TBC1D23: variants seen among roughly 807,000 people sequenced by gnomAD.
The protein encoded by TBC1D23 is TBC1 domain family member 23.
A neutral mutation model predicts 91.4 loss-of-function variants in TBC1D23; 55 were observed. The observed-to-expected ratio is 0.60, with a 90% CI of 0.48 to 0.75. The LOEUF (loss-of-function observed/expected upper bound fraction) is 0.75, where lower values mean the gene tolerates loss of function less well. TBC1D23 is among the 30% of genes least tolerant of loss of function. TBC1D23 has a pLI of 0.00. For missense variants in TBC1D23, 725 were observed against 836.1 expected, an observed-to-expected ratio of 0.87 and a Z score of 1.64; for synonymous variants, 289 against 281.0, an observed-to-expected ratio of 1.03 and a Z score of -0.28.
chr3:100,310,653 A>T (rs1009268085), intron 14 of TBC1D23, 111 bp downstream of exon 14: 23 of 801,744 alleles, frequency 2.9e-5, no homozygotes, highest in Admixed American at 1.0e-4. Flanking sequence ...AAAGGATTAT[A>T]AAGTATATTT....
intron 4 of TBC1D23, among the ~76,000 whole-genome samples, chr3:100,285,459 G>T (rs992247673): frequency 2.6e-5 from 4 of 151,942 alleles, no homozygotes; most frequent in African/African-American, 7.3e-5. Context: ...TGCGTATACC[G>T]CATTTTATTT....
At chr3:100,290,506 G>A (rs1416688011) in intron 4 of TBC1D23, 72 bp from the exon 5 acceptor site, 2 of 1,398,772 alleles carry the variant, frequency 1.4e-6, no homozygotes, top group East Asian at 4.6e-5. Flanking sequence ...GGGTATAGCA[G>A]GAAGATTGGT....
At position 100,320,847 on chromosome 3, in the gene TBC1D23, A is replaced by G; in HGVS notation, c.1894A>G (p.Ile632Val). The G allele has an allele frequency of 1.2e-6, 2 of 1,613,308 alleles. No individual in the cohort carries two copies. Among genetic ancestry groups the G allele is most frequent in the East Asian group, 2.2e-5 (1 of 44,808 alleles). ...TGTTTCACGGAAAGGATTGGCTTAT[A>G]TACAGTCTCGACAAGCGCTGAATTC... ...EIVSRKGLAY[I>V]QSRQALNSVV... Residue 632 changes from isoleucine to valine, a missense_variant, in exon 18 of 19, where the codon ATA becomes GTA. Transcript: ENST00000394144.
chr3:100,296,385 A>T (rs1006658236), intron 8 of TBC1D23, 110 bp downstream of exon 8: 10 of 639,238 alleles, frequency 1.6e-5, no homozygotes, highest in Non-Finnish European at 2.6e-5. Flanking sequence ...CTGTTTCTTT[A>T]TGTGTTGTAG....
chr3:100,306,387 A>G, intron 12 of TBC1D23, 50 bp from the exon 13 acceptor site: 2 of 1,094,378 alleles, frequency 1.8e-6, no homozygotes, highest in Non-Finnish European at 2.7e-6. Flanking sequence ...GAATTTTTCC[A>G]AAGAGTGTTG....
At chr3:100,316,881 C>T (rs552577696) in intron 16 of TBC1D23, among the ~76,000 whole-genome samples, 1 of 152,076 alleles carries the variant, frequency 6.6e-6, no homozygotes, top group South Asian at 2.1e-4. Context: ...CACTTGAGGT[C>T]AGGAGTTCAA....
intron 13 of TBC1D23, among the ~76,000 whole-genome samples, chr3:100,309,606 CCTT>C (rs1156890723): frequency 1.3e-4 from 14 of 104,834 alleles, no homozygotes; most frequent in African/African-American, 3.9e-4. Flanking sequence ...TTTTATTCTA[CCTT>C]CTTTTTTTTT....
At chr3:100,279,805 A>G (rs1239812044) in intron 2 of TBC1D23, 45 bp downstream of exon 2, 2 of 1,240,778 alleles carry the variant, frequency 1.6e-6, no homozygotes, top group Non-Finnish European at 2.3e-6. Context: ...CTGAAGAATA[A>G]TATTTTTAAA....
chr3:100,279,807 A>G (rs745862657), intron 2 of TBC1D23, 47 bp downstream of exon 2: 2 of 1,236,070 alleles, frequency 1.6e-6, no homozygotes, highest in Non-Finnish European at 2.3e-6. Context: ...GAAGAATAAT[A>G]TTTTTAAAAG....
In TBC1D23 at chr3:100,297,924, A is replaced by G; in HGVS notation, c.878A>G (p.Asp293Gly). The G allele has an allele frequency of 1.2e-6, 2 of 1,604,998 alleles. No individual in the cohort carries two copies. The highest frequency in any genetic ancestry group is 1.7e-6 in the Non-Finnish European group (2 of 1,174,366). Residue 293 changes from aspartate (D) to glycine (G), a missense_variant and splice_region_variant, in exon 9 of 19, where the codon GAT becomes GGT. By Grantham distance (94) the Asp-to-Gly change is moderately conservative (BLOSUM62 -1). Coordinates refer to ENST00000394144, the MANE Select transcript of TBC1D23 (RefSeq NM_001199198.3). ...CSKTPASFRK[D>G]NHHLFGSTLL... The stretch of plus-strand genomic sequence containing the variant: ...GTTTAAAAATTTCCCTTCAAACAGG[A>G]TAATCACCATCTCTTTGGTAGTACT...
At chr3:100,292,908 T>G (rs1055106938) in intron 5 of TBC1D23, among the ~76,000 whole-genome samples, 8 of 151,970 alleles carry the variant, frequency 5.3e-5, no homozygotes, top group Middle Eastern at 3.2e-3. Context: ...TTGTCAAAAC[T>G]GTAGCTTCTC....
chr3:100,295,159 G>T lies in TBC1D23; in HGVS notation c.673G>T (p.Ala225Ser). The T allele has an allele frequency of 6.2e-7, 1 of 1,605,748 alleles. No individual in the cohort carries two copies. The highest frequency in any genetic ancestry group is 1.7e-4 in the Middle Eastern group (1 of 6,018). ...QAIWDGYLQQ[A>S]DPFFIYFLML... ...AATATGGGATGGATATCTACAACAAGCAGATCCATTTTTTATTTATTTCTT... is the reference window on the plus strand; with the variant it reads ...AATATGGGATGGATATCTACAACAATCAGATCCATTTTTTATTTATTTCTT... Residue 225 changes from alanine (A) to serine (S), a missense_variant, in exon 6 of 19, where the codon GCA (alanine) becomes TCA (serine). By Grantham distance (99) the Ala-to-Ser change is moderately conservative. Coordinates refer to ENST00000394144, the MANE Select transcript of TBC1D23 (RefSeq NM_001199198.3).
intron 1 of TBC1D23, 76 bp from the exon 2 acceptor site, chr3:100,279,573 C>A: frequency 2.0e-6 from 2 of 987,334 alleles, no homozygotes; most frequent in South Asian, 3.2e-5. Context: ...TTTAATAGGC[C>A]ATGCTTATAA....
intron 1 of TBC1D23, among the ~76,000 whole-genome samples, chr3:100,276,661 A>C (rs1039786297): frequency 3.9e-5 from 6 of 152,218 alleles, no homozygotes; most frequent in Admixed American, 3.9e-4. Context: ...TTCTGAAGCA[A>C]CTTGGGCTAC....
At chr3:100,308,439 C>T (rs1705556375) in intron 13 of TBC1D23, among the ~76,000 whole-genome samples, 1 of 151,178 alleles carries the variant, frequency 6.6e-6, no homozygotes, top group Non-Finnish European at 1.5e-5. Flanking sequence ...CCCGCCACTG[C>T]ACTCCAGTCT....
chr3:100,269,283 AAGGGAATC>A (rs2067582635), intron 1 of TBC1D23, among the ~76,000 whole-genome samples: 2 of 152,232 alleles, frequency 1.3e-5, no homozygotes, highest in Non-Finnish European at 2.9e-5. Context: ...CATTATTCAT[AAGGGAATC>A]TCCCAAAGCT....
intron 15 of TBC1D23, among the ~76,000 whole-genome samples, chr3:100,312,465 A>G (rs3772694): frequency 0.25 from 37,826 of 151,970 alleles, 5,063 homozygotes; most frequent in East Asian, 0.49. Context: ...TTTTCTAGGT[A>G]GTTGATTACT....
chr3:100,322,670 T>C (rs577088295), intron 18 of TBC1D23, among the ~76,000 whole-genome samples: 77 of 152,250 alleles, frequency 5.1e-4, no homozygotes, highest in Non-Finnish European at 9.6e-4. Context: ...ATTTGAATTA[T>C]GACTCTCTCA....
chr3:100,275,506 T>C (rs1482284323), intron 1 of TBC1D23, among the ~76,000 whole-genome samples: 1 of 152,178 alleles, frequency 6.6e-6, no homozygotes, highest in Non-Finnish European at 1.5e-5. Context: ...CAGGCTGGTC[T>C]CAAACTCCTG....
Sources: gnomAD v4.1 joint callset for allele counts (sites outside exome capture counted in the v4.1 genomes callset) on GRCh38, gnomAD v4.1.1 for gene constraint, MANE v1.5 for transcripts, NCBI Gene and HGNC (gene_info 2026-07-23, HGNC 2026-07-21) for gene names.